Variants in MAP3K5 observed in about 807,000 individuals in gnomAD.
MAP3K5 encodes ASK-1.
MAP3K5 carries 56 observed loss-of-function variants against 158.7 expected under a neutral mutation model. The observed-to-expected ratio is 0.35, with a 90% CI of 0.28 to 0.44. MAP3K5 has a LOEUF of 0.44. Ranked by LOEUF, MAP3K5 falls within the 20% of genes least tolerant of loss-of-function variation. The pLI is 1.00. For synonymous variants in MAP3K5, 579 were observed against 601.7 expected (o/e 0.96, Z 0.55); for missense variants, 1,294 against 1,674.8 (o/e 0.77, Z 3.97).
At chr6:136,644,591 T>C (rs950272216) in intron 11 of MAP3K5, among the ~76,000 whole-genome samples, 2 of 152,252 alleles carry the variant, frequency 1.3e-5, no homozygotes, top group Non-Finnish European at 2.9e-5. Flanking sequence ...GCAGGAGTTA[T>C]ACTGTAGTAG....
intron 12 of MAP3K5, among the ~76,000 whole-genome samples, chr6:136,642,035 TAAAA>T: frequency 2.0e-5 from 1 of 49,662 alleles, no homozygotes; most frequent in Non-Finnish European, 3.8e-5. Flanking sequence ...AAAATAAAAA[TAAAA>T]TAAAATAAAA....
At chr6:136,742,732 A>C (rs903830471) in intron 1 of MAP3K5, among the ~76,000 whole-genome samples, 2 of 152,234 alleles carry the variant, frequency 1.3e-5, no homozygotes, top group African/African-American at 4.8e-5. Flanking sequence ...AGACTGAGAG[A>C]ATATATTTGC....
chr6:136,688,355 A>G (rs897803932), intron 7 of MAP3K5, among the ~76,000 whole-genome samples: 22 of 151,764 alleles, frequency 1.4e-4, no homozygotes, highest in Middle Eastern at 6.3e-3. Context: ...CCACCATGGC[A>G]TATATATATA....
chr6:136,646,834 CAGTT>C (rs1349630888), intron 11 of MAP3K5, among the ~76,000 whole-genome samples: 1 of 152,186 alleles, frequency 6.6e-6, no homozygotes, highest in Non-Finnish European at 1.5e-5. Context: ...TGTATATAGA[CAGTT>C]ATATTGATTA....
At chr6:136,703,662 A>C (rs1404605844) in intron 3 of MAP3K5, among the ~76,000 whole-genome samples, 7 of 152,262 alleles carry the variant, frequency 4.6e-5, no homozygotes, top group African/African-American at 1.7e-4. Flanking sequence ...ATGAAGCAAT[A>C]ATTGCTCATT....
chr6:136,754,724 C>T (rs1365094143), intron 1 of MAP3K5, among the ~76,000 whole-genome samples: 2 of 152,154 alleles, frequency 1.3e-5, no homozygotes, highest in Non-Finnish European at 2.9e-5. Flanking sequence ...AAGAATGCTT[C>T]GGGAAGAACA....
chr6:136,575,901 T>C lies in MAP3K5; in HGVS notation c.3517+4400A>G, dbSNP rs1188319378. Among the ~76,000 whole-genome samples, 4 of 152,188 alleles carry C rather than the reference T, an allele frequency of 2.6e-5. No homozygotes were observed. In the East Asian group the frequency reaches 7.7e-4, roughly 29 times the overall value. ...CTCCTTGTAGTTAGTAAATATCTTG[T>C]GGGGAGACAGTTTGAAAACCATCCA... On this transcript the variant is annotated intron_variant, in intron 25 of 29. Coordinates refer to ENST00000359015, the MANE Select transcript of MAP3K5 (RefSeq NM_005923.4).
At chr6:136,786,797 CTTCT>C (rs1282289209) in intron 1 of MAP3K5, among the ~76,000 whole-genome samples, 8 of 131,104 alleles carry the variant, frequency 6.1e-5, no homozygotes, top group African/African-American at 2.0e-4. Flanking sequence ...ACTTTAAGTT[CTTCT>C]TTTTTTTTTT....
chr6:136,686,459 T>C (rs1780151627), intron 7 of MAP3K5, among the ~76,000 whole-genome samples: 1 of 152,100 alleles, frequency 6.6e-6, no homozygotes, highest in African/African-American at 2.4e-5. Context: ...AGGATATTCA[T>C]ATAGGAAGAG....
At chr6:136,790,326 A>C (rs1046881165) in intron 1 of MAP3K5, among the ~76,000 whole-genome samples, 1 of 152,178 alleles carries the variant, frequency 6.6e-6, no homozygotes, top group Non-Finnish European at 1.5e-5. Flanking sequence ...AAATAGGCTC[A>C]AGTGTTCAGT....
chr6:136,792,227 G>C lies in MAP3K5; in HGVS notation c.-70C>G, dbSNP rs957776146. The C allele has an allele frequency of 1.6e-5, 23 of 1,416,970 alleles. No individual in the cohort carries two copies. In the Admixed American group the frequency reaches 3.4e-4, roughly 21 times the overall value. The allele number at this position is 1,416,970 out of a possible 1,614,324, so 87.8% of individuals were successfully genotyped here. On this transcript the variant is annotated 5_prime_UTR_variant, in exon 1 of 30. Coordinates refer to ENST00000359015, the MANE Select transcript of MAP3K5 (RefSeq NM_005923.4). This position sits in a 1 kb window ranked among gnomAD's most constrained non-coding sequence, Gnocchi z 5.7. ...CGCACCGCCTGGCCAGCCACAGCTC[G>C]GGGCTGCTCCGCGCCCGCCGGGCTA...
chr6:136,698,646 T>A lies in MAP3K5; in HGVS notation c.649A>T (p.Ile217Leu). Residue 217 changes from isoleucine to leucine, a missense_variant, in exon 4 of 30, where the codon ATA becomes TTA. Physicochemically the swap from Ile to Leu is conservative, Grantham distance 5. Around this residue, in one of 5 missense-constraint regions of MAP3K5, gnomAD observed 690 missense variants for 870.5 expected, o/e 0.79. Transcript: ENST00000359015. ...TGNYTFVPYMITPHNKVYCCD... is the reference protein window; with the variant it reads ...TGNYTFVPYMLTPHNKVYCCD... ...CAGTAGACTTTGTTATGTGGAGTTATCATGTAAGGAACAAAGGTGTAGTTC... is the reference window on the plus strand; with the variant it reads ...CAGTAGACTTTGTTATGTGGAGTTAACATGTAAGGAACAAAGGTGTAGTTC... The A allele has an allele frequency of 1.2e-6, 2 of 1,613,994 alleles. No homozygotes were observed. Among genetic ancestry groups the A allele is most frequent in the Non-Finnish European group, 1.7e-6 (2 of 1,179,932 alleles).
intron 23 of MAP3K5, among the ~76,000 whole-genome samples, chr6:136,585,473 C>CTTTCTTTA (rs562356592): frequency 2.2e-3 from 291 of 135,136 alleles, no homozygotes; most frequent in Admixed American, 5.9e-3. Flanking sequence ...CTTTTCTTTT[C>CTTTCTTTA]TTTATTTATT....
chr6:136,718,786 C>A (rs1366907568), intron 2 of MAP3K5, among the ~76,000 whole-genome samples: 1 of 152,022 alleles, frequency 6.6e-6, no homozygotes, highest in Non-Finnish European at 1.5e-5. Context: ...AGAATGGGCA[C>A]AAAATTAAAC....
chr6:136,707,169 T>A (rs1159509546), intron 2 of MAP3K5, among the ~76,000 whole-genome samples: 5 of 152,006 alleles, frequency 3.3e-5, no homozygotes, highest in Non-Finnish European at 5.9e-5. Flanking sequence ...AAAAAATGAC[T>A]AAAAGATATT....
chr6:136,624,611 G>A (rs1776951250), intron 14 of MAP3K5, among the ~76,000 whole-genome samples: 1 of 152,048 alleles, frequency 6.6e-6, no homozygotes, highest in African/African-American at 2.4e-5. Flanking sequence ...TGATCTCTGA[G>A]CACAGAATAC....
At chr6:136,757,651 A>C (rs1434005572) in intron 1 of MAP3K5, among the ~76,000 whole-genome samples, 2 of 145,808 alleles carry the variant, frequency 1.4e-5, no homozygotes, top group African/African-American at 2.5e-5. Flanking sequence ...GCAGTAGCGC[A>C]ATCTTGGCTC....
intron 25 of MAP3K5, among the ~76,000 whole-genome samples, chr6:136,571,180 C>T (rs888537830): frequency 1.3e-5 from 2 of 152,198 alleles, no homozygotes; most frequent in Admixed American, 6.5e-5. Context: ...TCACAGATGG[C>T]TACCCAATTT....
intron 1 of MAP3K5, among the ~76,000 whole-genome samples, chr6:136,761,288 TAAAAAAAA>T (rs368661488): frequency 8.4e-6 from 1 of 118,424 alleles, no homozygotes; most frequent in Admixed American, 8.7e-5. Flanking sequence ...ACCCTAACTT[TAAAAAAAA>T]AAAAAAAAAA....
Sources: allele counts gnomAD v4.1 joint callset (sites outside exome capture counted in the v4.1 genomes callset), GRCh38; gene constraint gnomAD v4.1.1; regional missense constraint gnomAD v4.1.1; non-coding constraint Gnocchi (gnomAD v3.1); transcripts MANE v1.5; gene names NCBI Gene and HGNC (gene_info 2026-07-23, HGNC 2026-07-21).